Variants in EPHB1 observed in about 807,000 individuals in gnomAD.
EPHB1 encodes the protein ephrin type-B receptor 1.
Under a neutral mutation model 94.4 loss-of-function variants are expected in EPHB1, and 30 were observed. The observed-to-expected ratio is 0.32, with a 90% CI of 0.24 to 0.43. EPHB1 has a LOEUF of 0.43. Among genes scored for constraint, EPHB1 ranks in the 20% least tolerant of loss-of-function variants. EPHB1 has a pLI of 1.00. For synonymous variants in EPHB1, 522 were observed against 489.1 expected (o/e 1.07, Z -0.89); for missense variants, 1,055 against 1,308.3 (o/e 0.81, Z 2.99).
At chr3:134,859,633 C>G (rs2037203917) in intron 1 of EPHB1, among the ~76,000 whole-genome samples, 1 of 152,204 alleles carries the variant, frequency 6.6e-6, no homozygotes. Context: ...CTTCAAGACC[C>G]TGGCTTCTGT....
At chr3:134,999,924 G>C (rs1935121475) in intron 3 of EPHB1, among the ~76,000 whole-genome samples, 1 of 152,160 alleles carries the variant, frequency 6.6e-6, no homozygotes, top group South Asian at 2.1e-4. Context: ...TTTCTTGCAG[G>C]GTATTGCTCC....
At chr3:134,812,870 A>T (rs962274747) in intron 1 of EPHB1, among the ~76,000 whole-genome samples, 1 of 152,108 alleles carries the variant, frequency 6.6e-6, no homozygotes, top group African/African-American at 2.4e-5. Flanking sequence ...TCATGTGTTT[A>T]TTAGCCACTC....
intron 3 of EPHB1, among the ~76,000 whole-genome samples, chr3:134,952,416 C>T (rs1390185389): frequency 6.6e-6 from 1 of 151,586 alleles, no homozygotes; most frequent in African/African-American, 2.4e-5. Flanking sequence ...CCCCTATATC[C>T]TGCATCCAGC....
intron 12 of EPHB1, among the ~76,000 whole-genome samples, chr3:135,207,086 A>G (rs1365916255): frequency 6.6e-6 from 1 of 152,238 alleles, no homozygotes; most frequent in Non-Finnish European, 1.5e-5. Context: ...AAGTCACCTA[A>G]ATAATGATGT....
intron 1 of EPHB1, among the ~76,000 whole-genome samples, chr3:134,921,676 C>A (rs2038689392): frequency 6.6e-6 from 1 of 152,182 alleles, no homozygotes; most frequent in Non-Finnish European, 1.5e-5. Context: ...TTATCGATAT[C>A]ATATAGAATA....
chr3:134,946,845 G>A (rs2039226154), intron 2 of EPHB1, among the ~76,000 whole-genome samples: 1 of 152,162 alleles, frequency 6.6e-6, no homozygotes, highest in African/African-American at 2.4e-5. Context: ...GAAGTAGATT[G>A]TGGTGCCATG....
chr3:134,991,747 C>G (rs962247213), intron 3 of EPHB1, among the ~76,000 whole-genome samples: 1 of 152,138 alleles, frequency 6.6e-6, no homozygotes. Flanking sequence ...AATATTGATC[C>G]CTCTGCCTGG....
At chr3:135,054,347 C>T (rs1445884273) in intron 3 of EPHB1, among the ~76,000 whole-genome samples, 2 of 152,112 alleles carry the variant, frequency 1.3e-5, no homozygotes, top group Non-Finnish European at 2.9e-5. Context: ...CTTGCCAGTC[C>T]CCACACTTGC....
chr3:135,035,199 C>T (rs190794348), intron 3 of EPHB1, among the ~76,000 whole-genome samples: 1 of 152,354 alleles, frequency 6.6e-6, no homozygotes, highest in Admixed American at 6.5e-5. Context: ...TGCCAAACAA[C>T]TCCCCTACTT....
chr3:135,257,234 A>T (rs577689556), intron 15 of EPHB1, among the ~76,000 whole-genome samples: 27 of 152,288 alleles, frequency 1.8e-4, no homozygotes, highest in Admixed American at 5.9e-4. Flanking sequence ...GTCATTCTCC[A>T]TCCAGCTTTG....
intron 12 of EPHB1, among the ~76,000 whole-genome samples, chr3:135,219,761 T>A (rs1943234087): frequency 6.6e-6 from 1 of 152,204 alleles, no homozygotes; most frequent in Admixed American, 6.5e-5. Context: ...TGATCAGCCT[T>A]GATACTGTAG....
chr3:135,215,842 C>T (rs1321944180), intron 12 of EPHB1, among the ~76,000 whole-genome samples: 3 of 152,090 alleles, frequency 2.0e-5, no homozygotes, highest in African/African-American at 4.8e-5. Flanking sequence ...CAGATGATGC[C>T]GATCCTGCTA....
At chr3:134,837,876 C>G (rs542493255) in intron 1 of EPHB1, among the ~76,000 whole-genome samples, 1 of 152,144 alleles carries the variant, frequency 6.6e-6, no homozygotes, top group Non-Finnish European at 1.5e-5. Context: ...TCAAGATGCA[C>G]TCTAGATAAG....
chr3:135,176,329 C>G (rs1158934885), intron 9 of EPHB1, among the ~76,000 whole-genome samples: 3 of 152,190 alleles, frequency 2.0e-5, no homozygotes, highest in Admixed American at 6.5e-5. Context: ...AGTTTCCCTT[C>G]TTCAATGTGA....
At chr3:135,004,613 T>G (rs1490501904) in intron 3 of EPHB1, among the ~76,000 whole-genome samples, 5 of 152,112 alleles carry the variant, frequency 3.3e-5, no homozygotes, top group Non-Finnish European at 7.4e-5. Flanking sequence ...AGGTAGATTT[T>G]GTCTTTTCAC....
At chr3:135,258,945 T>G in intron 15 of EPHB1, 67 bp from the exon 16 acceptor site, 17 of 1,274,452 alleles carry the variant, frequency 1.3e-5, no homozygotes, top group Non-Finnish European at 1.7e-5. Flanking sequence ...GCTTTAGTGA[T>G]GAGTTTTGAT....
intron 3 of EPHB1, among the ~76,000 whole-genome samples, chr3:135,062,489 C>A (rs1446361954): frequency 6.6e-6 from 1 of 151,972 alleles, no homozygotes; most frequent in Non-Finnish European, 1.5e-5. Context: ...TTGTATATTT[C>A]TTTTGAGAAT....
At chr3:135,088,155 T>A (rs1938428593) in intron 3 of EPHB1, among the ~76,000 whole-genome samples, 1 of 152,200 alleles carries the variant, frequency 6.6e-6, no homozygotes, top group Admixed American at 6.5e-5. Flanking sequence ...CATGTTGACT[T>A]GAACATGTGA....
At chr3:134,796,337 C>T (rs1017044016) in intron 1 of EPHB1, 23 of 155,402 alleles carry the variant, frequency 1.5e-4, no homozygotes, top group Non-Finnish European at 2.8e-5. Context: ...CAGGGTCAGT[C>T]GGGGAGAGGT....
Sources: allele counts gnomAD v4.1 joint callset (sites outside exome capture counted in the v4.1 genomes callset), GRCh38; gene constraint gnomAD v4.1.1; transcripts MANE v1.5; gene names NCBI Gene and HGNC (gene_info 2026-07-23, HGNC 2026-07-21).